The following CCDC148 variants were observed in gnomAD, a reference collection of about 807,000 sequenced individuals.
The protein encoded by CCDC148 is coiled-coil domain-containing protein 148.
In CCDC148, 89 loss-of-function variants were observed where a neutral mutation model predicts 85.7. That is an observed-to-expected ratio of 1.04 (90% CI 0.87 to 1.24). The LOEUF (loss-of-function observed/expected upper bound fraction) is 1.24. Ranked by LOEUF, CCDC148 falls within the 50% of genes most tolerant of loss-of-function variation. CCDC148 has a pLI of 0.00. For synonymous variants in CCDC148, 230 were observed against 213.9 expected (o/e 1.08, Z -0.66); for missense variants, 692 against 671.7 (o/e 1.03, Z -0.33).
chr2:158,432,700 A>G (rs1687409903), intron 1 of CCDC148, among the ~76,000 whole-genome samples: 1 of 152,132 alleles, frequency 6.6e-6, no homozygotes, highest in Admixed American at 6.5e-5. Flanking sequence ...ACTCTTTCAG[A>G]AATTAAAGGA....
At chr2:158,312,938 T>A (rs564538474) in intron 8 of CCDC148, among the ~76,000 whole-genome samples, 1 of 152,286 alleles carries the variant, frequency 6.6e-6, no homozygotes, top group South Asian at 2.1e-4. Flanking sequence ...TTCAAGGAGT[T>A]TCCACGTGAT....
Position 158,299,736 on chromosome 2 carries a change from G to A in CCDC148, c.1110+9697C>T, listed in dbSNP as rs913804182. On this transcript the variant is annotated intron_variant, in intron 9 of 13. Transcript: ENST00000283233. ...AAAACTCTATTTGAATTAAAGTACT[G>A]CTCACATCTGATTTGTGAAACCTAA... Among the ~76,000 whole-genome samples, 3 of 152,276 alleles carry A rather than the reference G, an allele frequency of 2.0e-5. No homozygotes were observed. In the East Asian group the frequency reaches 5.8e-4, roughly 29 times the overall value.
At chr2:158,260,370 T>G (rs536184983) in intron 9 of CCDC148, among the ~76,000 whole-genome samples, 1 of 152,072 alleles carries the variant, frequency 6.6e-6, no homozygotes, top group African/African-American at 2.4e-5. Flanking sequence ...CTCAAAATAA[T>G]AAGAACTGTC....
intron 10 of CCDC148, among the ~76,000 whole-genome samples, chr2:158,239,005 A>G (rs1352975551): frequency 6.6e-6 from 1 of 152,144 alleles, no homozygotes; most frequent in Non-Finnish European, 1.5e-5. Context: ...CATAACCCCT[A>G]TGTGCCTCAG....
chr2:158,317,617 A>G (rs1302088958), intron 7 of CCDC148, among the ~76,000 whole-genome samples: 1 of 152,214 alleles, frequency 6.6e-6, no homozygotes, highest in African/African-American at 2.4e-5. Context: ...TAACTTAGCT[A>G]CTAGTGGTCC....
chr2:158,347,076 C>T (rs1030596205), intron 2 of CCDC148, among the ~76,000 whole-genome samples: 1 of 152,112 alleles, frequency 6.6e-6, no homozygotes, highest in Admixed American at 6.6e-5. Flanking sequence ...AATATAAGTA[C>T]ACAGTATTTC....
At chr2:158,372,818 C>T (rs1026354660) in intron 1 of CCDC148, among the ~76,000 whole-genome samples, 8 of 152,054 alleles carry the variant, frequency 5.3e-5, no homozygotes, top group Admixed American at 6.6e-5. Flanking sequence ...CAATCTAACT[C>T]TTGACTCTCT....
chr2:158,365,545 C>G (rs1189643858), intron 1 of CCDC148, among the ~76,000 whole-genome samples: 2 of 152,146 alleles, frequency 1.3e-5, no homozygotes, highest in South Asian at 4.1e-4. Flanking sequence ...TCTCAGCAAA[C>G]TAACACAAGA....
intron 10 of CCDC148, among the ~76,000 whole-genome samples, chr2:158,247,669 C>A (rs1207460840): frequency 6.6e-6 from 1 of 152,052 alleles, no homozygotes; most frequent in African/African-American, 2.4e-5. Context: ...CCAGCCTGAC[C>A]AACATAGTGA....
chr2:158,185,581 A>C (rs1193662855), intron 11 of CCDC148, among the ~76,000 whole-genome samples: 3 of 152,074 alleles, frequency 2.0e-5, no homozygotes, highest in Non-Finnish European at 4.4e-5. Context: ...TGGAAGTGAG[A>C]GATACAAACA....
intron 3 of CCDC148, among the ~76,000 whole-genome samples, chr2:158,341,079 C>G (rs1264193251): frequency 1.3e-5 from 2 of 152,018 alleles, no homozygotes; most frequent in African/African-American, 4.8e-5. Flanking sequence ...AAATCTAGAC[C>G]AACAAGGAGG....
At chr2:158,449,044 T>G (rs149411458) in intron 1 of CCDC148, among the ~76,000 whole-genome samples, 21 of 152,224 alleles carry the variant, frequency 1.4e-4, no homozygotes, top group African/African-American at 4.6e-4. Flanking sequence ...GCCAGGCTGC[T>G]CTTGAACTTC....
chr2:158,223,059 C>A (rs530247052), intron 10 of CCDC148, among the ~76,000 whole-genome samples: 1 of 152,268 alleles, frequency 6.6e-6, no homozygotes, highest in East Asian at 1.9e-4. Context: ...AGGGAATTGC[C>A]TTTCCTAGTC....
At chr2:158,252,073 T>G (rs571331146) in intron 9 of CCDC148, among the ~76,000 whole-genome samples, 1 of 151,786 alleles carries the variant, frequency 6.6e-6, no homozygotes, top group Non-Finnish European at 1.5e-5. Flanking sequence ...TGTAGAGGTA[T>G]GCAAAATTCT....
At chr2:158,438,679 T>C (rs1687784829) in intron 1 of CCDC148, among the ~76,000 whole-genome samples, 1 of 151,916 alleles carries the variant, frequency 6.6e-6, no homozygotes, top group Admixed American at 6.6e-5. Context: ...ACCATCAGAG[T>C]GAACAGGCAA....
intron 10 of CCDC148, among the ~76,000 whole-genome samples, chr2:158,240,087 T>C (rs187985530): frequency 7.9e-5 from 12 of 151,908 alleles, no homozygotes; most frequent in African/African-American, 2.4e-4. Flanking sequence ...ACTTCAGCTC[T>C]ACTGGCAGCA....
intron 2 of CCDC148, among the ~76,000 whole-genome samples, chr2:158,355,262 T>C (rs980785625): frequency 6.6e-6 from 1 of 152,012 alleles, no homozygotes; most frequent in Non-Finnish European, 1.5e-5. Context: ...TAAAGGATAT[T>C]CAATTAGGAA....
At chr2:158,207,968 C>CAT (rs1686340207) in intron 11 of CCDC148, among the ~76,000 whole-genome samples, 1 of 149,690 alleles carries the variant, frequency 6.7e-6, no homozygotes. Flanking sequence ...CACACACACA[C>CAT]ACACACACAC....
At chr2:158,358,391 C>T in intron 2 of CCDC148, 58 bp downstream of exon 2, 1 of 1,573,280 alleles carries the variant, frequency 6.4e-7, no homozygotes, top group Non-Finnish European at 8.6e-7. Context: ...AATGTAAATA[C>T]TTTCCAGCAA....
Sources: gnomAD v4.1 joint callset for allele counts (sites outside exome capture counted in the v4.1 genomes callset) on GRCh38, gnomAD v4.1.1 for gene constraint, MANE v1.5 for transcripts, NCBI Gene and HGNC (gene_info 2026-07-23, HGNC 2026-07-21) for gene names.